SIM1: variants seen among roughly 807,000 people sequenced by gnomAD.
SIM1 encodes the protein SIM bHLH transcription factor 1, also known as single-minded homolog 1.
SIM1 carries 18 observed loss-of-function variants against 78.2 expected under a neutral mutation model. The ratio of observed to expected loss-of-function variants is 0.23; its 90% CI spans 0.16 to 0.34. The LOEUF (loss-of-function observed/expected upper bound fraction) is 0.34. Ranked by LOEUF, SIM1 falls within the 10% of genes least tolerant of loss-of-function variation. The pLI, the probability that SIM1 is intolerant of heterozygous loss-of-function variation, is 1.00. For synonymous variants in SIM1, 417 were observed against 385.2 expected (o/e 1.08, Z -0.97); for missense variants, 939 against 975.1 (o/e 0.96, Z 0.49).
At chr6:100,416,124 C>T (rs1254838534) in intron 10 of SIM1, among the ~76,000 whole-genome samples, 1 of 152,162 alleles carries the variant, frequency 6.6e-6, no homozygotes, top group Non-Finnish European at 1.5e-5. Context: ...TCCTTAAAAA[C>T]TCTTAGTCTG....
intron 10 of SIM1, among the ~76,000 whole-genome samples, chr6:100,398,835 AC>A (rs925874751): frequency 6.6e-6 from 1 of 152,038 alleles, no homozygotes; most frequent in African/African-American, 2.4e-5. Flanking sequence ...TTCTTTGAGG[AC>A]CTGCCGTGCT....
At chr6:100,412,683 AAAAGAAAGAAAGAAAG>A (rs373803181) in intron 10 of SIM1, among the ~76,000 whole-genome samples, 2,891 of 76,946 alleles carry the variant, frequency 0.038, 109 homozygotes, top group Admixed American at 0.08. Context: ...GAAAGAAAGA[AAAAGAAAGAAAGAAAG>A]AAAGAAAGAA....
intron 2 of SIM1, among the ~76,000 whole-genome samples, chr6:100,460,692 C>A (rs1320674012): frequency 6.6e-6 from 1 of 152,102 alleles, no homozygotes; most frequent in Non-Finnish European, 1.5e-5. Context: ...TGCCTTGGAC[C>A]CCAATCTTGT....
chr6:100,450,116 AC>A (rs1772470679), intron 4 of SIM1, 150 bp downstream of exon 4: 1 of 687,916 alleles, frequency 1.5e-6, no homozygotes, highest in Non-Finnish European at 2.6e-6. Flanking sequence ...AAATGGAGAG[AC>A]CCAGAACTAT....
intron 2 of SIM1, among the ~76,000 whole-genome samples, chr6:100,457,274 G>T (rs894866095): frequency 1.3e-5 from 2 of 152,138 alleles, no homozygotes; most frequent in African/African-American, 4.8e-5. Flanking sequence ...TATCCTCCTT[G>T]CAGTCCTTCC....
chr6:100,422,409 G>A (rs2114506392), intron 9 of SIM1, among the ~76,000 whole-genome samples: 1 of 152,150 alleles, frequency 6.6e-6, no homozygotes, highest in Middle Eastern at 3.4e-3. Flanking sequence ...TTGCCATGTT[G>A]GCCAGGCGGT....
intron 9 of SIM1, among the ~76,000 whole-genome samples, chr6:100,431,700 G>A (rs746402396): frequency 1.1e-4 from 17 of 152,284 alleles, no homozygotes; most frequent in African/African-American, 3.9e-4. Flanking sequence ...AACAGAGCCC[G>A]TTACCAAAGA....
At chr6:100,458,251 G>C (rs1404902957) in intron 2 of SIM1, among the ~76,000 whole-genome samples, 1 of 152,152 alleles carries the variant, frequency 6.6e-6, no homozygotes, top group Non-Finnish European at 1.5e-5. Flanking sequence ...ACAGTCCTGC[G>C]TGACGGCCGA....
intron 3 of SIM1, 127 bp downstream of exon 3, chr6:100,453,635 C>T (rs2114547703): frequency 5.5e-6 from 4 of 732,580 alleles, no homozygotes; most frequent in African/African-American, 3.7e-5. Flanking sequence ...GTCCGGATCC[C>T]TGTTTTTGTG....
Position 100,463,443 on chromosome 6 carries a change from G to T in SIM1, c.26C>A (p.Ala9Glu). The T allele has an allele frequency of 6.2e-7, 1 of 1,610,212 alleles. No homozygotes were observed. Among genetic ancestry groups the T allele is most frequent in the Non-Finnish European group, 8.5e-7 (1 of 1,176,824 alleles). The change falls in exon 2 of 12, where the codon GCG becomes GAG. Residue 9 changes from alanine (A) to glutamate (E), a missense_variant. Coordinates refer to ENST00000369208, the MANE Select transcript of SIM1 (RefSeq NM_005068.3). Reference sequence around the variant, plus strand: ...GTTTTCCTTCTCCCTCCTAGTCCGCGCAGCATTTTTGGACTTTTCTTTCAT... The same window carrying T: ...GTTTTCCTTCTCCCTCCTAGTCCGCTCAGCATTTTTGGACTTTTCTTTCAT... MKEKSKNA[A>E]RTRREKENSE... is the part of the protein sequence containing the mutation.
intron 9 of SIM1, among the ~76,000 whole-genome samples, chr6:100,444,964 G>A (rs1582313912): frequency 6.6e-6 from 1 of 152,144 alleles, no homozygotes; most frequent in East Asian, 1.9e-4. Context: ...GGAGCTTGTG[G>A]TTTTAAGTAC....
chr6:100,390,222 T>A lies in SIM1; in HGVS notation c.*139A>T, dbSNP rs184183935. 6 of 934,906 alleles carry A rather than the reference T, an allele frequency of 6.4e-6. No homozygotes were observed. The African/African-American group carries it at 1.0e-4, about 16-fold the overall frequency. 57.9% of individuals were successfully genotyped at this position (934,906 alleles called of 1,614,324 possible). A position where few individuals can be genotyped will look rare whatever the true frequency, so the allele number is the denominator to read the frequency against. On this transcript the variant is annotated 3_prime_UTR_variant, in exon 12 of 12. Coordinates refer to ENST00000369208, the MANE Select transcript of SIM1 (RefSeq NM_005068.3). ...GCTAGTGCTATGTTTTCTTTGATTTTATAGGAACACGTATCAAATACCCAG... is the reference window on the plus strand; with the variant it reads ...GCTAGTGCTATGTTTTCTTTGATTTAATAGGAACACGTATCAAATACCCAG...
intron 2 of SIM1, among the ~76,000 whole-genome samples, chr6:100,462,317 T>C (rs979281214): frequency 1.3e-5 from 2 of 152,120 alleles, no homozygotes; most frequent in African/African-American, 4.8e-5. Context: ...TGAATCCCCT[T>C]CCCCCAGCAA....
intron 9 of SIM1, among the ~76,000 whole-genome samples, chr6:100,433,475 A>C (rs1771953366): frequency 6.6e-6 from 1 of 152,182 alleles, no homozygotes; most frequent in South Asian, 2.1e-4. Context: ...CTTTCTGACC[A>C]TCCCTACCTC....
At chr6:100,426,368 T>C (rs1293278372) in intron 9 of SIM1, among the ~76,000 whole-genome samples, 1 of 152,172 alleles carries the variant, frequency 6.6e-6, no homozygotes, top group Non-Finnish European at 1.5e-5. Flanking sequence ...TTGAAATAAC[T>C]CAAATTCCAA....
chr6:100,394,722 A>G (rs1562231952), intron 10 of SIM1, among the ~76,000 whole-genome samples: 1 of 152,124 alleles, frequency 6.6e-6, no homozygotes, highest in South Asian at 2.1e-4. Flanking sequence ...TTTCTTAATT[A>G]AAACAAACAA....
chr6:100,386,122 C>T lies in SIM1; in HGVS notation c.*4239G>A, dbSNP rs1260327036. 6.6e-6 allele frequency: 1 copy of T among 151,876 alleles called. No homozygotes were observed. Among genetic ancestry groups the T allele is most frequent in the South Asian group, 2.1e-4 (1 of 4,822 alleles). 9.4% of individuals were successfully genotyped at this position (151,876 alleles called of 1,614,324 possible). A position where few individuals can be genotyped will look rare whatever the true frequency, so the allele number is the denominator to read the frequency against. ...AACGTTGAATCATTTATTTGGAGGA[C>T]CATAGGATTTACATTCTTTTTAAAA... is the stretch of plus-strand genomic sequence containing the variant. On this transcript the variant is annotated 3_prime_UTR_variant, in exon 12 of 12. Coordinates refer to ENST00000369208, the MANE Select transcript of SIM1 (RefSeq NM_005068.3).
intron 10 of SIM1, among the ~76,000 whole-genome samples, chr6:100,402,133 T>C (rs1770929882): frequency 6.6e-6 from 1 of 152,206 alleles, no homozygotes; most frequent in African/African-American, 2.4e-5. Flanking sequence ...GATATGTATG[T>C]GTCATGTAAA....
chr6:100,401,086 G>C (rs1403056689), intron 10 of SIM1, among the ~76,000 whole-genome samples: 1 of 152,064 alleles, frequency 6.6e-6, no homozygotes, highest in African/African-American at 2.4e-5. Flanking sequence ...TGTGCCTCTG[G>C]ATGTGACAGA....
Sources: gnomAD v4.1 joint callset for allele counts (sites outside exome capture counted in the v4.1 genomes callset) on GRCh38, gnomAD v4.1.1 for gene constraint, MANE v1.5 for transcripts, NCBI Gene and HGNC (gene_info 2026-07-23, HGNC 2026-07-21) for gene names.